The following TSNARE1 variants were observed in gnomAD, a reference collection of about 807,000 sequenced individuals.
The protein encoded by TSNARE1 is t-SNARE domain containing 1.
In TSNARE1, 49 loss-of-function variants were observed where a neutral mutation model predicts 62.0. That is an observed-to-expected ratio of 0.79 (90% CI 0.63 to 1.00). The LOEUF (loss-of-function observed/expected upper bound fraction) is 1.00. TSNARE1 is among the 50% of genes least tolerant of loss of function. The pLI is 0.00. For missense variants in TSNARE1, 755 were observed against 700.1 expected (o/e 1.08, Z -0.88); for synonymous variants, 328 against 294.4 (o/e 1.11, Z -1.17).
chr8:142,328,157 A>G (rs1830520552), intron 6 of TSNARE1, among the ~76,000 whole-genome samples: 1 of 143,468 alleles, frequency 7.0e-6, no homozygotes, highest in African/African-American at 2.7e-5. Context: ...TAGAAATAAT[A>G]GTTTTTTAAA....
At chr8:142,278,321 A>C in intron 11 of TSNARE1, 1 of 985,410 alleles carries the variant, frequency 1.0e-6, no homozygotes, top group African/African-American at 1.7e-5. Context: ...CCAGCGCTCC[A>C]AGTTCTGCCA....
intron 1 of TSNARE1, among the ~76,000 whole-genome samples, chr8:142,384,730 A>C (rs1014479776): frequency 6.6e-6 from 1 of 152,228 alleles, no homozygotes; most frequent in African/African-American, 2.4e-5. Context: ...TAAAACTCTT[A>C]CAAGAAAACA....
intron 4 of TSNARE1, among the ~76,000 whole-genome samples, chr8:142,342,555 G>A (rs75534174): frequency 0.028 from 4,286 of 152,266 alleles, 67 homozygotes; most frequent in East Asian, 0.068. Context: ...AGGCCTCATC[G>A]CCCACAGCTG....
At chr8:142,345,314 G>T (rs749182112) in intron 3 of TSNARE1, among the ~76,000 whole-genome samples, 1 of 152,162 alleles carries the variant, frequency 6.6e-6, no homozygotes, top group Non-Finnish European at 1.5e-5. Context: ...CCTGGAAGGG[G>T]CCCCTCCACC....
chr8:142,314,476 G>A (rs1460451123), intron 8 of TSNARE1, 36 bp from the exon 9 acceptor site: 5 of 1,594,590 alleles, frequency 3.1e-6, no homozygotes, highest in Non-Finnish European at 4.3e-6. Flanking sequence ...AAGACAGGAA[G>A]AGCAAAAAGG....
chr8:142,242,394 A>G (rs1199120832), intron 12 of TSNARE1, among the ~76,000 whole-genome samples: 1 of 152,246 alleles, frequency 6.6e-6, no homozygotes, highest in African/African-American at 2.4e-5. Context: ...CATGAGCTAC[A>G]AAAGCAAAAA....
intron 12 of TSNARE1, among the ~76,000 whole-genome samples, chr8:142,244,965 G>A (rs374406123): frequency 3.9e-5 from 6 of 152,358 alleles, no homozygotes; most frequent in South Asian, 2.1e-4. Context: ...GTGTGCAGAC[G>A]CTGCACCATC....
At chr8:142,329,765 G>A (rs192834217) in intron 6 of TSNARE1, among the ~76,000 whole-genome samples, 64 of 152,258 alleles carry the variant, frequency 4.2e-4, no homozygotes, top group African/African-American at 1.3e-3. Flanking sequence ...GGCATCCTGC[G>A]TCCAAATTCC....
intron 13 of TSNARE1, among the ~76,000 whole-genome samples, chr8:142,222,123 C>T (rs146346084): frequency 0.04 from 2,440 of 60,458 alleles, 52 homozygotes; most frequent in South Asian, 0.084. Flanking sequence ...TCCACTCATT[C>T]ACTCACTCAT....
intron 1 of TSNARE1, among the ~76,000 whole-genome samples, chr8:142,366,268 C>T (rs1295180701): frequency 6.6e-6 from 1 of 152,064 alleles, no homozygotes; most frequent in East Asian, 1.9e-4. Context: ...GATCTCCTGA[C>T]CTCATGATCT....
intron 1 of TSNARE1, among the ~76,000 whole-genome samples, chr8:142,359,574 G>A (rs1835007418): frequency 6.6e-6 from 1 of 152,170 alleles, no homozygotes; most frequent in African/African-American, 2.4e-5. Flanking sequence ...AAGTCCATGA[G>A]GAGGTTCTCT....
At chr8:142,379,809 C>T (rs1836602842) in intron 1 of TSNARE1, among the ~76,000 whole-genome samples, 1 of 152,208 alleles carries the variant, frequency 6.6e-6, no homozygotes, top group Non-Finnish European at 1.5e-5. Flanking sequence ...ATAGGCCTGG[C>T]AGGGCCAGGG....
At chr8:142,382,141 G>T (rs1420020581) in intron 1 of TSNARE1, among the ~76,000 whole-genome samples, 1 of 152,190 alleles carries the variant, frequency 6.6e-6, no homozygotes, top group Non-Finnish European at 1.5e-5. Context: ...TGGCATGTGT[G>T]AGCGTGTGTG....
At chr8:142,337,512 C>T (rs1001337239) in intron 4 of TSNARE1, among the ~76,000 whole-genome samples, 6 of 152,346 alleles carry the variant, frequency 3.9e-5, no homozygotes, top group African/African-American at 7.2e-5. Flanking sequence ...AGCCAGGACT[C>T]GGCGCAACCG....
rs72687375 is a variant in TSNARE1, at chr8:142,303,375, C to T, written c.1132-2731G>A. On this transcript the variant is annotated intron_variant, in intron 9 of 13. Transcript: ENST00000524325. ...CCCAAAAACCGCCCAGCCTGGGTCC[C>T]GTTTATGCCCAGGGCCCAGCGAGGT... is the stretch of plus-strand genomic sequence containing the variant. 9.3e-3 allele frequency among the ~76,000 whole-genome samples: 1,422 copies of T among 152,312 alleles called. 17 individuals carry two copies. Among genetic ancestry groups the T allele is most frequent in the Non-Finnish European group, 0.015 (1,033 of 68,026 alleles).
In TSNARE1 at chr8:142,318,553, G is replaced by A. The variant is rs527712157; in HGVS notation, c.975C>T (p.Ser325=). Residue 325 remains serine (S), a synonymous_variant, in exon 7 of 14, where the codon AGC becomes AGT. Transcript: ENST00000524325. ...GACCCCAGGAACATACCGGGCAGGA[G>A]CTGCGCAGCAGCTCGGCCATCTGCT... is the stretch of plus-strand genomic sequence containing the variant. The part of the protein sequence containing the change: ...SVKQMAELLR[S]SCPQERLQQE... 1.2e-6 allele frequency: 2 copies of A among 1,613,010 alleles called. No homozygotes were observed. The highest frequency in any genetic ancestry group is 1.1e-5 in the South Asian group (1 of 91,078).
At chr8:142,222,524 C>T (rs866632527) in intron 13 of TSNARE1, among the ~76,000 whole-genome samples, 38 of 11,916 alleles carry the variant, frequency 3.2e-3, no homozygotes, top group African/African-American at 3.8e-3. Flanking sequence ...ACTCACTCAT[C>T]CACTCACTCA....
intron 12 of TSNARE1, among the ~76,000 whole-genome samples, chr8:142,262,492 T>C (rs1212499996): frequency 1.3e-5 from 2 of 152,236 alleles, no homozygotes; most frequent in African/African-American, 4.8e-5. Context: ...TACTTATTAA[T>C]ATGGTTTGGA....
At chr8:142,220,001 G>GC (rs1371142996) in intron 13 of TSNARE1, among the ~76,000 whole-genome samples, 1 of 152,218 alleles carries the variant, frequency 6.6e-6, no homozygotes, top group African/African-American at 2.4e-5. Flanking sequence ...CAGCCACTCT[G>GC]CCCCAGTGTC....
Sources: allele counts gnomAD v4.1 joint callset (sites outside exome capture counted in the v4.1 genomes callset), GRCh38; gene constraint gnomAD v4.1.1; transcripts MANE v1.5; gene names NCBI Gene and HGNC (gene_info 2026-07-23, HGNC 2026-07-21).